CCDC150: variants seen among roughly 807,000 people sequenced by gnomAD.
CCDC150 encodes coiled-coil domain-containing protein 150.
A neutral mutation model predicts 156.5 loss-of-function variants in CCDC150; 151 were observed. That is an observed-to-expected ratio of 0.97 (90% CI 0.85 to 1.10). The LOEUF (loss-of-function observed/expected upper bound fraction) is 1.10, where lower values mean the gene tolerates loss of function less well. CCDC150 is among the 50% of genes least tolerant of loss of function. The probability of loss-of-function intolerance (pLI) is 0.00; values close to 1 mark genes in which losing one functional copy is unlikely to be tolerated. For missense variants in CCDC150, 1,312 were observed against 1,268.1 expected (o/e 1.03, Z -0.53); for synonymous variants, 452 against 429.4 (o/e 1.05, Z -0.65).
At chr2:196,643,360 G>A (rs943694217) in intron 1 of CCDC150, among the ~76,000 whole-genome samples, 10 of 151,926 alleles carry the variant, frequency 6.6e-5, no homozygotes, top group Middle Eastern at 3.2e-3. Flanking sequence ...GAGCAGGGTC[G>A]GGTGGCACTC....
intron 12 of CCDC150, 174 bp from the exon 13 acceptor site, chr2:196,677,119 A>G (rs1484716785): frequency 4.2e-6 from 3 of 706,100 alleles, no homozygotes; most frequent in East Asian, 2.7e-5. Context: ...TTTCAGGGCT[A>G]TTTGTGAAGT....
intron 13 of CCDC150, among the ~76,000 whole-genome samples, chr2:196,692,038 G>A (rs1183158069): frequency 3.3e-5 from 5 of 150,820 alleles, no homozygotes; most frequent in Admixed American, 3.3e-4. Context: ...ATTATTTCTT[G>A]TCTTCTGCTA....
At chr2:196,712,105 A>T (rs917230303) in intron 15 of CCDC150, 40 bp from the exon 16 acceptor site, 88 of 954,790 alleles carry the variant, frequency 9.2e-5, no homozygotes, top group Non-Finnish European at 1.3e-4. Context: ...TAAATGTTTT[A>T]TTTTTTAAAA....
chr2:196,662,969 G>A (rs189752476), intron 5 of CCDC150, among the ~76,000 whole-genome samples: 59 of 152,144 alleles, frequency 3.9e-4, no homozygotes, highest in Non-Finnish European at 7.6e-4. Context: ...CAGGCATGGT[G>A]GCTCATACCT....
Position 196,646,519 on chromosome 2 carries a change from C to T in CCDC150, c.176+15C>T, listed in dbSNP as rs1255627961. The T allele has an allele frequency of 6.2e-7, 1 of 1,609,132 alleles. No individual in the cohort carries two copies. The highest frequency in any genetic ancestry group is 8.5e-7 in the Non-Finnish European group (1 of 1,176,028). ...GGTGAAAAAAGGTAACAAAAATGAA[C>T]TACATCTCTGTAGGTTGAAGAATTT... On this transcript the variant is annotated intron_variant, in intron 2 of 27. Coordinates refer to ENST00000389175, the MANE Select transcript of CCDC150 (RefSeq NM_001080539.2).
chr2:196,692,931 C>G (rs1048869189), intron 13 of CCDC150, among the ~76,000 whole-genome samples: 3 of 152,160 alleles, frequency 2.0e-5, no homozygotes, highest in Admixed American at 2.0e-4. Context: ...AAATCTCCCA[C>G]TGTTATTGTG....
intron 17 of CCDC150, among the ~76,000 whole-genome samples, chr2:196,715,257 A>T (rs1697423788): frequency 6.6e-6 from 1 of 152,166 alleles, no homozygotes; most frequent in African/African-American, 2.4e-5. Flanking sequence ...AAATCTTATC[A>T]ATAAGAGACT....
At chr2:196,707,475 A>T (rs934050738) in intron 15 of CCDC150, among the ~76,000 whole-genome samples, 5 of 151,768 alleles carry the variant, frequency 3.3e-5, no homozygotes, top group Admixed American at 6.6e-5. Context: ...GGATTCCTTG[A>T]TTTTTTTGAA....
chr2:196,698,444 G>C (rs1396413166), intron 14 of CCDC150, among the ~76,000 whole-genome samples: 1 of 151,894 alleles, frequency 6.6e-6, no homozygotes, highest in Non-Finnish European at 1.5e-5. Flanking sequence ...GTATTGATAG[G>C]GAAAAAGCTC....
At chr2:196,724,314 G>A (rs1419433497) in intron 21 of CCDC150, among the ~76,000 whole-genome samples, 1 of 152,108 alleles carries the variant, frequency 6.6e-6, no homozygotes, top group African/African-American at 2.4e-5. Context: ...TGAAGTTGAA[G>A]TGCTATGTAG....
At chr2:196,660,064 T>C (rs1693467383) in intron 5 of CCDC150, among the ~76,000 whole-genome samples, 2 of 152,106 alleles carry the variant, frequency 1.3e-5, no homozygotes, top group Non-Finnish European at 2.9e-5. Flanking sequence ...AATCATAGAG[T>C]ATGTATGTAG....
At chr2:196,657,677 A>G (rs570217715) in intron 4 of CCDC150, among the ~76,000 whole-genome samples, 1 of 152,304 alleles carries the variant, frequency 6.6e-6, no homozygotes, top group African/African-American at 2.4e-5. Flanking sequence ...GCAGCAAAGA[A>G]TAAGGACTAC....
At chr2:196,684,246 G>T (rs183318843) in intron 13 of CCDC150, among the ~76,000 whole-genome samples, 1 of 152,052 alleles carries the variant, frequency 6.6e-6, no homozygotes, top group African/African-American at 2.4e-5. Flanking sequence ...TTGTTATTTT[G>T]TGTTTTCATT....
chr2:196,730,929 G>A lies in CCDC150; in HGVS notation c.3053G>A (p.Ser1018Asn). Residue 1018 changes from serine to asparagine, a missense_variant, in exon 26 of 28, where the codon AGT becomes AAT. Transcript: ENST00000389175. ...EATENTLKEA[S>N]VESEQITANL... Reference sequence around the variant, plus strand: ...ACAGAGAATACGCTGAAAGAAGCCAGTGTGGAATCAGAACAGGTGAGCCAG... The same window carrying A: ...ACAGAGAATACGCTGAAAGAAGCCAATGTGGAATCAGAACAGGTGAGCCAG... The A allele has an allele frequency of 1.3e-6, 2 of 1,597,574 alleles. No homozygotes were observed. The highest frequency in any genetic ancestry group is 1.7e-6 in the Non-Finnish European group (2 of 1,171,934).
At chr2:196,648,155 A>C (rs964010818) in intron 2 of CCDC150, among the ~76,000 whole-genome samples, 4 of 152,172 alleles carry the variant, frequency 2.6e-5, no homozygotes, top group Non-Finnish European at 5.9e-5. Context: ...ATATGTACCC[A>C]GAAGTGGGAT....
At chr2:196,676,511 A>G (rs1051516014) in intron 11 of CCDC150, 43 bp from the exon 12 acceptor site, 1 of 1,510,054 alleles carries the variant, frequency 6.6e-7, no homozygotes. Context: ...GTTAAATTAG[A>G]ACTCTAATTT....
At position 196,700,306 on chromosome 2, in the gene CCDC150, C is replaced by T. The variant is rs112227062; in HGVS notation, c.1624-803C>T. Among the ~76,000 whole-genome samples the T allele has an allele frequency of 4.2e-3, 636 of 152,284 alleles. 2 individuals are homozygous for T. Among genetic ancestry groups the T allele is most frequent in the Middle Eastern group, 0.02 (6 of 294 alleles). Reference sequence around the variant, plus strand: ...CACATTTGCTTTGTGTGCATTATCTCCACATTTGGTTTATGAAGATGATTT... The same window carrying T: ...CACATTTGCTTTGTGTGCATTATCTTCACATTTGGTTTATGAAGATGATTT... On this transcript the variant is annotated intron_variant, in intron 14 of 27. Transcript: ENST00000389175.
In CCDC150 at chr2:196,705,625, C is replaced by G. The variant is rs546299638; in HGVS notation, c.1695+4445C>G. On this transcript the variant is annotated intron_variant, in intron 15 of 27. Transcript: ENST00000389175. ...GGTGTTTTAGTCATGAAGTCTTTGC[C>G]GAGGCCTATGTCCTGAATGGTATTG... is the stretch of plus-strand genomic sequence containing the variant. Among the ~76,000 whole-genome samples, 4 of 152,210 alleles carry G rather than the reference C, an allele frequency of 2.6e-5. No individual in the cohort carries two copies. In the East Asian group the frequency reaches 7.7e-4, roughly 29 times the overall value.
chr2:196,672,639 T>C (rs1357778694), intron 9 of CCDC150, among the ~76,000 whole-genome samples: 1 of 152,196 alleles, frequency 6.6e-6, no homozygotes, highest in East Asian at 1.9e-4. Context: ...TCCTATGATA[T>C]ATAAGTATAC....
Sources: gnomAD v4.1 joint callset for allele counts (sites outside exome capture counted in the v4.1 genomes callset) on GRCh38, gnomAD v4.1.1 for gene constraint, MANE v1.5 for transcripts, NCBI Gene and HGNC (gene_info 2026-07-23, HGNC 2026-07-21) for gene names.